EGFLAM: variants seen among roughly 807,000 people sequenced by gnomAD.
EGFLAM encodes the protein EGF like, fibronectin type III and laminin G domains, also known as pikachurin.
Under a neutral mutation model 113.1 loss-of-function variants are expected in EGFLAM, and 79 were observed. The observed-to-expected ratio is 0.70, with a 90% confidence interval of 0.58 to 0.84. The LOEUF (loss-of-function observed/expected upper bound fraction) is 0.84, where lower values mean the gene tolerates loss of function less well. Ranked by LOEUF, EGFLAM falls within the 40% of genes least tolerant of loss-of-function variation. The pLI, the probability that EGFLAM is intolerant of heterozygous loss-of-function variation, is 0.00. For synonymous variants in EGFLAM, 504 were observed against 487.6 expected (o/e 1.03, Z -0.44); for missense variants, 1,265 against 1,291.6 (o/e 0.98, Z 0.32).
At position 38,326,694 on chromosome 5, in the gene EGFLAM, A is replaced by T. The variant is rs528672103; in HGVS notation, c.98-10826A>T. On this transcript the variant is annotated intron_variant, in intron 1 of 21. Coordinates refer to ENST00000322350, the MANE Select transcript of EGFLAM (RefSeq NM_152403.4). ...TTTTTAGTAGAGATGGGGTTTCACC[A>T]TGTTAGCCAGGATGGTCTCGATCTC... 3.3e-5 allele frequency among the ~76,000 whole-genome samples: 5 copies of T among 150,940 alleles called. No homozygotes were observed. In the East Asian group the frequency reaches 9.8e-4, roughly 30 times the overall value.
intron 1 of EGFLAM, among the ~76,000 whole-genome samples, chr5:38,302,263 A>G (rs528307509): frequency 6.6e-6 from 1 of 151,786 alleles, no homozygotes; most frequent in South Asian, 2.1e-4. Flanking sequence ...AATCAGTCTC[A>G]ATCACATGTA....
intron 18 of EGFLAM, among the ~76,000 whole-genome samples, chr5:38,449,849 G>A (rs115148378): frequency 0.021 from 3,129 of 152,264 alleles, 36 homozygotes; most frequent in Non-Finnish European, 0.035. Flanking sequence ...ATCACAAGGA[G>A]TCCAGACTTA....
Position 38,385,478 on chromosome 5 carries a change from GAAT to G in EGFLAM, c.712+15020_712+15022del, listed in dbSNP as rs372681260. ...TCATTTATATACTGTATTGTTTAGG[GAAT>G]AATGACAATAAAATAAAGCCTGTAC... On this transcript the variant is annotated intron_variant, in intron 6 of 21. Transcript: ENST00000322350. Among the ~76,000 whole-genome samples, 77 of 151,982 alleles carry G rather than the reference GAAT, an allele frequency of 5.1e-4. 1 individual carries two copies. In the South Asian group the frequency reaches 0.014, roughly 27 times the overall value.
chr5:38,391,339 T>C (rs1232633509), intron 6 of EGFLAM, among the ~76,000 whole-genome samples: 3 of 152,088 alleles, frequency 2.0e-5, no homozygotes, highest in Non-Finnish European at 4.4e-5. Flanking sequence ...AGTTTCTTTA[T>C]CCCTACTTTA....
intron 5 of EGFLAM, among the ~76,000 whole-genome samples, chr5:38,354,722 T>G (rs1739721537): frequency 6.6e-6 from 1 of 152,156 alleles, no homozygotes; most frequent in Admixed American, 6.6e-5. Flanking sequence ...AGAGCGAGAT[T>G]CTGTCTCCCA....
chr5:38,449,021 T>A (rs1742817548), intron 18 of EGFLAM, among the ~76,000 whole-genome samples: 1 of 152,224 alleles, frequency 6.6e-6, no homozygotes, highest in African/African-American at 2.4e-5. Context: ...GAGTCCTCGC[T>A]CTTGGTTTGG....
intron 6 of EGFLAM, chr5:38,400,921 TTG>T (rs1298958920): frequency 6.6e-6 from 1 of 152,214 alleles, no homozygotes; most frequent in Admixed American, 6.5e-5. Flanking sequence ...TAAAATTACT[TTG>T]ACTCTAAATC....
intron 1 of EGFLAM, among the ~76,000 whole-genome samples, chr5:38,275,662 A>G (rs1757867572): frequency 6.6e-6 from 1 of 152,228 alleles, no homozygotes; most frequent in African/African-American, 2.4e-5. Context: ...ATCAATGGGC[A>G]GACAGAAAAT....
chr5:38,347,193 T>A (rs1739494591), intron 3 of EGFLAM, among the ~76,000 whole-genome samples: 1 of 152,200 alleles, frequency 6.6e-6, no homozygotes, highest in African/African-American at 2.4e-5. Context: ...TAGTATCGGC[T>A]GGCTTCTTGA....
chr5:38,334,282 T>C (rs1177760772), intron 1 of EGFLAM, among the ~76,000 whole-genome samples: 4 of 152,214 alleles, frequency 2.6e-5, no homozygotes, highest in Non-Finnish European at 5.9e-5. Flanking sequence ...ATCAAAATAC[T>C]ATAGATTGGG....
At chr5:38,369,754 T>G (rs1230522957) in intron 5 of EGFLAM, among the ~76,000 whole-genome samples, 2 of 152,184 alleles carry the variant, frequency 1.3e-5, no homozygotes, top group Non-Finnish European at 2.9e-5. Context: ...TGAAGGGCCC[T>G]CCAAAGGACA....
rs370025571 is a variant in EGFLAM at position 38,444,170 on chromosome 5, G to A, written c.2465-4131G>A. 5.3e-5 allele frequency among the ~76,000 whole-genome samples: 8 copies of A among 152,236 alleles called. No individual in the cohort carries two copies. The South Asian group carries it at 1.2e-3, about 24-fold the overall frequency. ...GGCTTGGAGGCTGCTGTCCACTGGG[G>A]TGTTTTTCTGTGTGTGTCACCATAT... On this transcript the variant is annotated intron_variant, in intron 17 of 21. Coordinates refer to ENST00000322350, the MANE Select transcript of EGFLAM (RefSeq NM_152403.4).
At chr5:38,385,507 A>G (rs986814198) in intron 6 of EGFLAM, among the ~76,000 whole-genome samples, 5 of 152,150 alleles carry the variant, frequency 3.3e-5, no homozygotes, top group African/African-American at 4.8e-5. Flanking sequence ...AAGCCTGTAC[A>G]TGTTTAGTAT....
At chr5:38,368,673 G>T (rs1740128686) in intron 5 of EGFLAM, among the ~76,000 whole-genome samples, 1 of 152,104 alleles carries the variant, frequency 6.6e-6, no homozygotes, top group Non-Finnish European at 1.5e-5. Context: ...CTGAGAGGTG[G>T]CCAGGGAGCA....
intron 1 of EGFLAM, among the ~76,000 whole-genome samples, chr5:38,275,707 G>A (rs956333752): frequency 6.6e-6 from 1 of 152,168 alleles, no homozygotes; most frequent in African/African-American, 2.4e-5. Flanking sequence ...CTGCATTCCA[G>A]AACAACTGAA....
intron 12 of EGFLAM, among the ~76,000 whole-genome samples, chr5:38,422,507 A>G (rs1048157144): frequency 6.6e-6 from 1 of 152,194 alleles, no homozygotes; most frequent in Non-Finnish European, 1.5e-5. Context: ...TCTTCTCATA[A>G]TGATGTTCTT....
intron 6 of EGFLAM, chr5:38,402,100 G>C (rs1182372619): frequency 6.6e-6 from 1 of 152,188 alleles, no homozygotes; most frequent in Admixed American, 6.5e-5. Context: ...AAGGAGATAG[G>C]AGTGGGAAAA....
intron 21 of EGFLAM, 117 bp downstream of exon 21, chr5:38,463,128 C>G (rs1743346368): frequency 9.4e-6 from 9 of 962,514 alleles, no homozygotes; most frequent in Non-Finnish European, 9.1e-6. Flanking sequence ...AATCAGGAAG[C>G]CCTCCAGATA....
In EGFLAM at chr5:38,464,122, A is replaced by T. The variant is rs1049734337; in HGVS notation, c.*136A>T. The stretch of plus-strand genomic sequence containing the variant: ...CTCACCAAGAAGAAAGTACACACTG[A>T]TGAGAAACTGAGAACCAAGACAGGC... On this transcript the variant is annotated 3_prime_UTR_variant, in exon 22 of 22. Coordinates refer to ENST00000322350, the MANE Select transcript of EGFLAM (RefSeq NM_152403.4). 3 of 1,192,060 alleles carry T rather than the reference A, an allele frequency of 2.5e-6. No individual in the cohort carries two copies. In the African/African-American group the frequency reaches 4.6e-5, roughly 18 times the overall value. 73.8% of individuals were successfully genotyped at this position (1,192,060 alleles called of 1,614,324 possible).
Sources: gnomAD v4.1 joint callset for allele counts (sites outside exome capture counted in the v4.1 genomes callset) on GRCh38, gnomAD v4.1.1 for gene constraint, MANE v1.5 for transcripts, NCBI Gene and HGNC (gene_info 2026-07-23, HGNC 2026-07-21) for gene names.